Variants in WDFY4 observed in about 807,000 individuals in gnomAD.
WDFY4 encodes WD repeat- and FYVE domain-containing protein 4.
Under a neutral mutation model 351.9 loss-of-function variants are expected in WDFY4, and 169 were observed. The ratio of observed to expected loss-of-function variants is 0.48; its 90% CI spans 0.42 to 0.55. The LOEUF (loss-of-function observed/expected upper bound fraction) is 0.55. Ranked by LOEUF, WDFY4 falls within the 20% of genes least tolerant of loss-of-function variation. WDFY4 has a pLI of 0.00. For missense variants in WDFY4, 3,803 were observed against 3,935.6 expected (o/e 0.97, Z 0.90); for synonymous variants, 1,622 against 1,574.6 (o/e 1.03, Z -0.71).
intron 11 of WDFY4, among the ~76,000 whole-genome samples, chr10:48,737,912 A>G (rs1282323933): frequency 6.6e-6 from 1 of 152,352 alleles, no homozygotes; most frequent in African/African-American, 2.4e-5. Context: ...TTCATTGACT[A>G]AATTAATATT....
At chr10:48,790,418 G>T (rs146187270) in intron 22 of WDFY4, among the ~76,000 whole-genome samples, 2 of 152,210 alleles carry the variant, frequency 1.3e-5, no homozygotes, top group Non-Finnish European at 2.9e-5. Context: ...TAGAGCAATA[G>T]GGATACTGAG....
intron 47 of WDFY4, chr10:48,909,964 A>G (rs1194482854): frequency 2.0e-6 from 1 of 490,084 alleles, no homozygotes; most frequent in East Asian, 3.5e-5. Context: ...GTTGTCTATA[A>G]TATATAATCT....
chr10:48,760,275 C>T, intron 12 of WDFY4, 72 bp from the exon 13 acceptor site: 1 of 1,347,922 alleles, frequency 7.4e-7, no homozygotes, highest in Non-Finnish European at 1.0e-6. Context: ...AAGAAAGATC[C>T]AGGAAGCTCA....
intron 1 of WDFY4, among the ~76,000 whole-genome samples, chr10:48,691,257 C>T (rs2063187301): frequency 6.6e-6 from 1 of 152,120 alleles, no homozygotes; most frequent in African/African-American, 2.4e-5. Flanking sequence ...GTCACCCTGA[C>T]TTAGGGTGGC....
At chr10:48,860,136 G>C (rs1157270336) in intron 39 of WDFY4, among the ~76,000 whole-genome samples, 1 of 152,052 alleles carries the variant, frequency 6.6e-6, no homozygotes, top group Non-Finnish European at 1.5e-5. Context: ...TCAAAGTACA[G>C]GTTTTTGTTT....
intron 49 of WDFY4, 142 bp from the exon 50 acceptor site, chr10:48,945,898 C>T (rs1385575500): frequency 2.1e-5 from 12 of 558,466 alleles, no homozygotes; most frequent in Non-Finnish European, 3.7e-5. Context: ...GCCATAAAAC[C>T]CCAGCCTGCC....
chr10:48,879,930 C>A (rs116405991), intron 43 of WDFY4, among the ~76,000 whole-genome samples: 1 of 152,172 alleles, frequency 6.6e-6, no homozygotes, highest in Non-Finnish European at 1.5e-5. Flanking sequence ...CTGCCTAGGG[C>A]GCAGGGGATG....
chr10:48,877,725 C>T (rs1225729746), intron 43 of WDFY4, among the ~76,000 whole-genome samples: 1 of 152,224 alleles, frequency 6.6e-6, no homozygotes, highest in Non-Finnish European at 1.5e-5. Flanking sequence ...AAAAGGGTGG[C>T]TCTGGGGATG....
intron 19 of WDFY4, among the ~76,000 whole-genome samples, chr10:48,783,354 T>C (rs1209881815): frequency 6.6e-6 from 1 of 152,124 alleles, no homozygotes; most frequent in Admixed American, 6.5e-5. Flanking sequence ...TTTTTTATTG[T>C]TATAGCACTA....
chr10:48,848,777 A>G (rs886800732), intron 39 of WDFY4, among the ~76,000 whole-genome samples: 14 of 152,184 alleles, frequency 9.2e-5, no homozygotes, highest in African/African-American at 3.1e-4. Flanking sequence ...CTGCTGTGGC[A>G]CCCCGAGGAG....
intron 1 of WDFY4, among the ~76,000 whole-genome samples, chr10:48,696,646 C>T (rs1426077061): frequency 6.6e-6 from 1 of 152,248 alleles, no homozygotes; most frequent in East Asian, 1.9e-4. Flanking sequence ...GGGACTAGGG[C>T]AGCTGACTCA....
intron 57 of WDFY4, among the ~76,000 whole-genome samples, chr10:48,971,272 G>A (rs1013935197): frequency 2.6e-5 from 4 of 152,122 alleles, no homozygotes; most frequent in African/African-American, 7.2e-5. Flanking sequence ...TGAGGTGGGC[G>A]GATCACGAGG....
chr10:48,876,603 G>GT (rs11343936), intron 42 of WDFY4, among the ~76,000 whole-genome samples: 28,035 of 152,020 alleles, frequency 0.18, 3,441 homozygotes, highest in African/African-American at 0.34. Flanking sequence ...TCTTTTCCAA[G>GT]TTTTTTTTAC....
At position 48,805,420 on chromosome 10, in the gene WDFY4, A is replaced by G; in HGVS notation, c.4645A>G (p.Arg1549Gly). The change falls in exon 26 of 62, where the codon AGG becomes GGG. Residue 1549 changes from arginine to glycine, a missense_variant and splice_region_variant. Transcript: ENST00000325239. ...RGHFSTQDLL[R>G]IGLFVVYTLK... is the part of the protein sequence containing the mutation. ...CCACTTCAGCACCCAGGACTTGCTCAGGTACCACACCAAGCTGCCCAGGGG... is the reference window on the plus strand; with the variant it reads ...CCACTTCAGCACCCAGGACTTGCTCGGGTACCACACCAAGCTGCCCAGGGG... 6 of 1,547,846 alleles carry G rather than the reference A, an allele frequency of 3.9e-6. No homozygotes were observed. The highest frequency in any genetic ancestry group is 1.2e-5 in the South Asian group (1 of 84,054).
chr10:48,952,763 G>GA (rs1841390055), intron 51 of WDFY4, among the ~76,000 whole-genome samples: 1 of 152,136 alleles, frequency 6.6e-6, no homozygotes, highest in South Asian at 2.1e-4. Context: ...GAAAGCTAAT[G>GA]GCCACTCTGG....
At chr10:48,734,543 T>TATAA (rs34515903) in intron 10 of WDFY4, among the ~76,000 whole-genome samples, 6 of 151,214 alleles carry the variant, frequency 4.0e-5, no homozygotes, top group South Asian at 2.1e-4. Flanking sequence ...TATATATATA[T>TATAA]AATGACATAG....
chr10:48,807,059 T>G (rs1292847026), intron 27 of WDFY4, among the ~76,000 whole-genome samples: 1 of 152,186 alleles, frequency 6.6e-6, no homozygotes, highest in African/African-American at 2.4e-5. Context: ...AAATTTAGGT[T>G]CAATGAGATT....
At chr10:48,957,349 T>G (rs1340036973) in intron 52 of WDFY4, 67 bp downstream of exon 52, 5 of 1,521,422 alleles carry the variant, frequency 3.3e-6, no homozygotes, top group Non-Finnish European at 4.4e-6. Context: ...AGCCCCTGGG[T>G]GATGACCAAC....
At chr10:48,928,118 C>T (rs535017805) in intron 47 of WDFY4, among the ~76,000 whole-genome samples, 1 of 152,270 alleles carries the variant, frequency 6.6e-6, no homozygotes, top group East Asian at 1.9e-4. Context: ...CTCACAGCTC[C>T]TCTCCTCCCG....
Sources: allele counts gnomAD v4.1 joint callset (sites outside exome capture counted in the v4.1 genomes callset), GRCh38; gene constraint gnomAD v4.1.1; transcripts MANE v1.5; gene names NCBI Gene and HGNC (gene_info 2026-07-23, HGNC 2026-07-21).